CNTNAP2: variants seen among roughly 807,000 people sequenced by gnomAD.
CNTNAP2 encodes the protein contactin-associated protein-like 2.
Under a neutral mutation model 155.2 loss-of-function variants are expected in CNTNAP2, and 98 were observed. The ratio of observed to expected loss-of-function variants is 0.63; its 90% CI spans 0.54 to 0.75. CNTNAP2 has a LOEUF of 0.75. CNTNAP2 is among the 30% of genes least tolerant of loss of function. The pLI is 0.00. For synonymous variants in CNTNAP2, 651 were observed against 631.2 expected (o/e 1.03, Z -0.47); for missense variants, 1,727 against 1,688.1 (o/e 1.02, Z -0.40).
intron 13 of CNTNAP2, among the ~76,000 whole-genome samples, chr7:147,899,772 C>G (rs187820346): frequency 6.6e-6 from 1 of 152,152 alleles, no homozygotes; most frequent in East Asian, 1.9e-4. Flanking sequence ...GTAATCCCAG[C>G]TACTTGGGAG....
At chr7:146,969,269 G>C (rs967554745) in intron 3 of CNTNAP2, among the ~76,000 whole-genome samples, 1 of 152,070 alleles carries the variant, frequency 6.6e-6, no homozygotes, top group African/African-American at 2.4e-5. Context: ...GTGTGGTGCT[G>C]AAAAAAATGT....
At chr7:146,820,341 G>A (rs1331027380) in intron 2 of CNTNAP2, among the ~76,000 whole-genome samples, 1 of 152,090 alleles carries the variant, frequency 6.6e-6, no homozygotes, top group African/African-American at 2.4e-5. Flanking sequence ...AAATTATATA[G>A]TTAGCAATTG....
At chr7:146,738,222 A>G (rs1427982068) in intron 1 of CNTNAP2, among the ~76,000 whole-genome samples, 2 of 151,950 alleles carry the variant, frequency 1.3e-5, no homozygotes, top group African/African-American at 4.8e-5. Flanking sequence ...GTATAAGGTG[A>G]TATCTCATTG....
intron 8 of CNTNAP2, among the ~76,000 whole-genome samples, chr7:147,244,988 G>A (rs1324878622): frequency 6.6e-6 from 1 of 151,962 alleles, no homozygotes; most frequent in African/African-American, 2.4e-5. Context: ...TTTATTATAT[G>A]GCCACAAAAG....
intron 1 of CNTNAP2, among the ~76,000 whole-genome samples, chr7:146,629,230 C>G (rs1563163361): frequency 6.6e-6 from 1 of 152,130 alleles, no homozygotes; most frequent in Non-Finnish European, 1.5e-5. Flanking sequence ...GCAGTTACCC[C>G]TCTCACTCCT....
At chr7:147,298,375 G>A (rs1794876497) in intron 8 of CNTNAP2, among the ~76,000 whole-genome samples, 2 of 151,682 alleles carry the variant, frequency 1.3e-5, no homozygotes, top group Non-Finnish European at 2.9e-5. Context: ...AGTGAGCCGA[G>A]ATCCCGTCAT....
At chr7:147,324,076 G>A (rs1436388648) in intron 9 of CNTNAP2, among the ~76,000 whole-genome samples, 1 of 151,994 alleles carries the variant, frequency 6.6e-6, no homozygotes, top group Non-Finnish European at 1.5e-5. Flanking sequence ...GGTATAGTGT[G>A]TAGAATAGGA....
intron 20 of CNTNAP2, among the ~76,000 whole-genome samples, chr7:148,230,587 C>T (rs1795944135): frequency 6.6e-6 from 1 of 152,164 alleles, no homozygotes; most frequent in South Asian, 2.1e-4. Context: ...TCTCAGACCT[C>T]ATTCTGATTC....
At chr7:146,932,532 A>G (rs969867905) in intron 3 of CNTNAP2, among the ~76,000 whole-genome samples, 3 of 152,170 alleles carry the variant, frequency 2.0e-5, no homozygotes, top group Non-Finnish European at 4.4e-5. Flanking sequence ...GGCACAAGAC[A>G]GGGATGCCCT....
chr7:147,494,287 G>A (rs893383572), intron 11 of CNTNAP2, among the ~76,000 whole-genome samples: 2 of 152,096 alleles, frequency 1.3e-5, no homozygotes, highest in African/African-American at 4.8e-5. Context: ...AATAGTACAG[G>A]TCATTTGGAG....
intron 1 of CNTNAP2, among the ~76,000 whole-genome samples, chr7:146,568,761 G>C (rs763970736): frequency 6.6e-6 from 1 of 152,082 alleles, no homozygotes; most frequent in Non-Finnish European, 1.5e-5. Flanking sequence ...AAATACTGTA[G>C]AGGAAAGATG....
chr7:147,916,572 T>C (rs1800165045), intron 14 of CNTNAP2, among the ~76,000 whole-genome samples: 1 of 131,290 alleles, frequency 7.6e-6, no homozygotes, highest in African/African-American at 3.0e-5. Flanking sequence ...GAACTAAGAT[T>C]CAAAAGAGCT....
chr7:147,311,655 T>C (rs1331452901), intron 9 of CNTNAP2, among the ~76,000 whole-genome samples: 3 of 152,164 alleles, frequency 2.0e-5, no homozygotes, highest in African/African-American at 7.2e-5. Context: ...ATAAAGGTAG[T>C]TACAGGAAGT....
chr7:146,136,553 G>A (rs571352170), intron 1 of CNTNAP2, among the ~76,000 whole-genome samples: 3 of 152,106 alleles, frequency 2.0e-5, no homozygotes, highest in African/African-American at 7.2e-5. Flanking sequence ...TTAGTGTGGC[G>A]TGGAGGGGCA....
chr7:147,022,335 C>T (rs568679571), intron 3 of CNTNAP2, among the ~76,000 whole-genome samples: 1 of 152,096 alleles, frequency 6.6e-6, no homozygotes, highest in Admixed American at 6.6e-5. Context: ...TCCTACCCAA[C>T]CCTCCCTTAG....
intron 3 of CNTNAP2, among the ~76,000 whole-genome samples, chr7:146,976,741 G>A (rs1295993270): frequency 2.0e-5 from 3 of 152,104 alleles, no homozygotes; most frequent in Non-Finnish European, 4.4e-5. Flanking sequence ...TTGAAGCATG[G>A]AGAAATGTCA....
intron 18 of CNTNAP2, among the ~76,000 whole-genome samples, chr7:148,173,503 T>C (rs973021280): frequency 6.6e-6 from 1 of 152,188 alleles, no homozygotes; most frequent in Non-Finnish European, 1.5e-5. Context: ...GAGGAATTGT[T>C]CCATAACATT....
chr7:146,365,823 A>G (rs1795147545), intron 1 of CNTNAP2, among the ~76,000 whole-genome samples: 1 of 152,226 alleles, frequency 6.6e-6, no homozygotes, highest in African/African-American at 2.4e-5. Context: ...TAACTTAATA[A>G]GCCAGAAATA....
chr7:147,742,831 A>G (rs1006728904), intron 13 of CNTNAP2, among the ~76,000 whole-genome samples: 1 of 152,196 alleles, frequency 6.6e-6, no homozygotes, highest in Non-Finnish European at 1.5e-5. Flanking sequence ...AAGAGAAAAA[A>G]GAGACTTCTC....
Sources: allele counts gnomAD v4.1 joint callset (sites outside exome capture counted in the v4.1 genomes callset), GRCh38; gene constraint gnomAD v4.1.1; transcripts MANE v1.5; gene names NCBI Gene and HGNC (gene_info 2026-07-23, HGNC 2026-07-21).